GNA14: variants seen among roughly 807,000 people sequenced by gnomAD.
The protein encoded by GNA14 is G protein subunit alpha 14, also known as guanine nucleotide-binding protein subunit alpha-14.
A neutral mutation model predicts 42.0 loss-of-function variants in GNA14; 50 were observed. The observed-to-expected ratio is 1.19, with a 90% CI of 0.95 to 1.51. GNA14 has a LOEUF of 1.51. Among genes scored for constraint, GNA14 ranks in the 40% most tolerant of loss-of-function variants. GNA14 has a pLI of 0.00. For missense variants in GNA14, 473 were observed against 446.2 expected, an observed-to-expected ratio of 1.06 and a Z score of -0.54; for synonymous variants, 173 against 163.1, an observed-to-expected ratio of 1.06 and a Z score of -0.46.
intron 1 of GNA14, among the ~76,000 whole-genome samples, chr9:77,556,649 C>G (rs1822785759): frequency 1.3e-5 from 2 of 152,144 alleles, no homozygotes. Flanking sequence ...CCCCTCCTCT[C>G]TCACTCCTAA....
chr9:77,643,482 G>A (rs959445906), intron 1 of GNA14, among the ~76,000 whole-genome samples: 8 of 151,974 alleles, frequency 5.3e-5, no homozygotes, highest in Admixed American at 2.0e-4. Context: ...CAGGTGATCC[G>A]CCCGCCTCAG....
chr9:77,558,975 A>C (rs1822836691), intron 1 of GNA14, among the ~76,000 whole-genome samples: 1 of 151,898 alleles, frequency 6.6e-6, no homozygotes, highest in Admixed American at 6.6e-5. Flanking sequence ...TCCTCCTGAG[A>C]ACCTAAGCAG....
chr9:77,551,480 G>C (rs1837785254), intron 1 of GNA14, among the ~76,000 whole-genome samples: 1 of 151,538 alleles, frequency 6.6e-6, no homozygotes, highest in Non-Finnish European at 1.5e-5. Flanking sequence ...GAAAAAGCAG[G>C]ACCTCATCAT....
At position 77,545,940 on chromosome 9, in the gene GNA14, C is replaced by G. The variant is rs1646294696; in HGVS notation, c.125-16687G>C. On this transcript the variant is annotated intron_variant, in intron 1 of 6. Transcript: ENST00000341700. ...GTAAGAGTAAATGCTCAAGAAATGT[C>G]TGAATAATTTAAGAATTATCTAACA... Among the ~76,000 whole-genome samples, 5 of 152,272 alleles carry G rather than the reference C, an allele frequency of 3.3e-5. No homozygotes were observed. In the South Asian group the frequency reaches 1.0e-3, roughly 32 times the overall value.
At position 77,427,778 on chromosome 9, in the gene GNA14, G is replaced by T. The variant is rs560459421; in HGVS notation, c.723+1129C>A. On this transcript the variant is annotated intron_variant, in intron 5 of 6. Coordinates refer to ENST00000341700, the MANE Select transcript of GNA14 (RefSeq NM_004297.4). Reference sequence around the variant, plus strand: ...TGACCAGGCTGGATCCATCCCAGCTGCCCTGAGGGAGTCCCTCCCAGGAGA... The same window carrying T: ...TGACCAGGCTGGATCCATCCCAGCTTCCCTGAGGGAGTCCCTCCCAGGAGA... 5.4e-5 allele frequency among the ~76,000 whole-genome samples: 8 copies of T among 149,020 alleles called. No homozygotes were observed. The South Asian group carries it at 1.7e-3, about 32-fold the overall frequency.
chr9:77,625,492 C>T (rs979473133), intron 1 of GNA14, among the ~76,000 whole-genome samples: 5 of 152,228 alleles, frequency 3.3e-5, no homozygotes, highest in East Asian at 3.9e-4. Flanking sequence ...AGAGAAAGGT[C>T]GGGTTACCCA....
Position 77,456,122 on chromosome 9 carries a change from C to A in GNA14, c.310-21600G>T, listed in dbSNP as rs139668671. ...TCATATATGATCTTTACAACCACTC[C>A]AGGAAATAAGATACTTTAATACCCT... On this transcript the variant is annotated intron_variant, in intron 2 of 6. Transcript: ENST00000341700. Among the ~76,000 whole-genome samples the A allele has an allele frequency of 1.5e-4, 23 of 152,210 alleles. 1 individual carries two copies. The highest frequency in any genetic ancestry group is 1.5e-5 in the Non-Finnish European group (1 of 68,018).
At position 77,429,042 on chromosome 9, in the gene GNA14, G is replaced by A. The variant is rs1835503110; in HGVS notation, c.594-6C>T. ...GGCCACCAACATCCACCATCCTGTT[G>A]TGTAGAAACACAGATCCTTCAAAGG... On this transcript the variant is annotated splice_polypyrimidine_tract_variant and splice_region_variant and intron_variant, in intron 4 of 6. Coordinates refer to ENST00000341700, the MANE Select transcript of GNA14 (RefSeq NM_004297.4). 1 of 1,613,764 alleles carries A rather than the reference G, an allele frequency of 6.2e-7. No individual in the cohort carries two copies. Among genetic ancestry groups the A allele is most frequent in the South Asian group, 1.1e-5 (1 of 91,032 alleles).
intron 1 of GNA14, among the ~76,000 whole-genome samples, chr9:77,600,762 A>C (rs1365671468): frequency 6.6e-6 from 1 of 152,296 alleles, no homozygotes; most frequent in African/African-American, 2.4e-5. Context: ...TACTAAAAAA[A>C]ACAAAAATTA....
At chr9:77,623,911 G>A (rs900789350) in intron 1 of GNA14, among the ~76,000 whole-genome samples, 81 of 152,148 alleles carry the variant, frequency 5.3e-4, no homozygotes, top group African/African-American at 1.7e-3. Context: ...GAACGCCAGC[G>A]GCACAGAACC....
At chr9:77,647,586 G>C (rs1824378552) in intron 1 of GNA14, 84 bp downstream of exon 1, 1 of 1,473,806 alleles carries the variant, frequency 6.8e-7, no homozygotes, top group African/African-American at 1.4e-5. Context: ...TGGGCTCCAG[G>C]GCCGCGCGGG....
intron 1 of GNA14, among the ~76,000 whole-genome samples, chr9:77,550,194 G>A (rs537118186): frequency 1.3e-5 from 2 of 152,230 alleles, no homozygotes; most frequent in East Asian, 3.9e-4. Context: ...CATGCACTCA[G>A]GGGTTGAAGC....
At chr9:77,637,943 T>TTTA (rs2118024093) in intron 1 of GNA14, among the ~76,000 whole-genome samples, 1 of 152,362 alleles carries the variant, frequency 6.6e-6, no homozygotes, top group South Asian at 2.1e-4. Context: ...ATGCAAAAGT[T>TTTA]TATTCTGAAA....
chr9:77,465,961 G>A (rs761030640), intron 2 of GNA14, among the ~76,000 whole-genome samples: 18 of 152,096 alleles, frequency 1.2e-4, no homozygotes, highest in Admixed American at 2.0e-4. Context: ...TTTTTCCAGT[G>A]GGAATTCTGC....
chr9:77,454,007 T>G (rs1186151645), intron 2 of GNA14, among the ~76,000 whole-genome samples: 1 of 152,244 alleles, frequency 6.6e-6, no homozygotes, highest in Non-Finnish European at 1.5e-5. Flanking sequence ...AGCTTCATGA[T>G]TCAGTATCTC....
At chr9:77,645,079 T>A (rs1413764680) in intron 1 of GNA14, among the ~76,000 whole-genome samples, 1 of 152,248 alleles carries the variant, frequency 6.6e-6, no homozygotes, top group Non-Finnish European at 1.5e-5. Flanking sequence ...CACTGACCTG[T>A]GCTTTTATTA....
intron 1 of GNA14, among the ~76,000 whole-genome samples, chr9:77,537,574 T>A (rs1386779629): frequency 6.6e-6 from 1 of 152,206 alleles, no homozygotes; most frequent in Non-Finnish European, 1.5e-5. Flanking sequence ...ATATACAGAT[T>A]TCTTTTTTCT....
At chr9:77,591,622 C>T (rs1184583001) in intron 1 of GNA14, among the ~76,000 whole-genome samples, 2 of 152,178 alleles carry the variant, frequency 1.3e-5, no homozygotes, top group Non-Finnish European at 2.9e-5. Flanking sequence ...TTATGGAAAA[C>T]ATTCAGTACA....
At chr9:77,575,361 A>G (rs1015002776) in intron 1 of GNA14, among the ~76,000 whole-genome samples, 7 of 152,280 alleles carry the variant, frequency 4.6e-5, no homozygotes, top group African/African-American at 1.4e-4. Context: ...CAGCCTGGGC[A>G]ACAAGAGTGA....
Sources: gnomAD v4.1 joint callset for allele counts (sites outside exome capture counted in the v4.1 genomes callset) on GRCh38, gnomAD v4.1.1 for gene constraint, MANE v1.5 for transcripts, NCBI Gene and HGNC (gene_info 2026-07-23, HGNC 2026-07-21) for gene names.